SORCS3: variants seen among roughly 807,000 people sequenced by gnomAD.
SORCS3 encodes the protein sortilin related VPS10 domain containing receptor 3.
Under a neutral mutation model 146.3 loss-of-function variants are expected in SORCS3, and 57 were observed. That is an observed-to-expected ratio of 0.39 (90% confidence interval 0.31 to 0.49). The LOEUF (loss-of-function observed/expected upper bound fraction) is 0.49. Ranked by LOEUF, SORCS3 falls within the 20% of genes least tolerant of loss-of-function variation. The pLI, the probability that SORCS3 is intolerant of heterozygous loss-of-function variation, is 0.92. For synonymous variants in SORCS3, 653 were observed against 618.5 expected (o/e 1.06, Z -0.83); for missense variants, 1,341 against 1,575.5 (o/e 0.85, Z 2.52).
At chr10:105,053,367 G>C (rs929524317) in intron 5 of SORCS3, among the ~76,000 whole-genome samples, 2 of 151,968 alleles carry the variant, frequency 1.3e-5, no homozygotes, top group African/African-American at 4.8e-5. Flanking sequence ...GCTAAGGCTT[G>C]TCGGGGAAGT....
chr10:105,031,015 C>A (rs1017114615), intron 4 of SORCS3, among the ~76,000 whole-genome samples: 7 of 151,724 alleles, frequency 4.6e-5, no homozygotes, highest in Non-Finnish European at 1.0e-4. Context: ...GTATGTTTGG[C>A]CATGTGTAGT....
chr10:105,123,273 C>G (rs1269314715), intron 7 of SORCS3, among the ~76,000 whole-genome samples: 1 of 152,182 alleles, frequency 6.6e-6, no homozygotes, highest in Non-Finnish European at 1.5e-5. Flanking sequence ...CTGTATGACA[C>G]CAGAAGTTCT....
chr10:104,971,749 A>G (rs1216394052), intron 3 of SORCS3, among the ~76,000 whole-genome samples: 1 of 152,210 alleles, frequency 6.6e-6, no homozygotes, highest in Admixed American at 6.5e-5. Context: ...AAGAAAGTCA[A>G]AATGGAGGGT....
intron 6 of SORCS3, among the ~76,000 whole-genome samples, chr10:105,100,948 T>G (rs1410649524): frequency 6.6e-6 from 1 of 152,238 alleles, no homozygotes; most frequent in Admixed American, 6.5e-5. Context: ...TGAAAAGCCA[T>G]GCTGCTACTT....
At chr10:105,047,938 C>T (rs1282924360) in intron 5 of SORCS3, among the ~76,000 whole-genome samples, 4 of 152,194 alleles carry the variant, frequency 2.6e-5, no homozygotes, top group South Asian at 2.1e-4. Flanking sequence ...AAAAAATGCT[C>T]ATCATCACTG....
chr10:105,153,656 T>C (rs2056184172), intron 9 of SORCS3, among the ~76,000 whole-genome samples: 1 of 151,748 alleles, frequency 6.6e-6, no homozygotes, highest in African/African-American at 2.4e-5. Flanking sequence ...TGTGTGTGTG[T>C]GTGTGTGTGT....
At chr10:105,083,912 G>C (rs1183987678) in intron 5 of SORCS3, among the ~76,000 whole-genome samples, 1 of 152,256 alleles carries the variant, frequency 6.6e-6, no homozygotes, top group Non-Finnish European at 1.5e-5. Context: ...GAGATGGATG[G>C]GCACAAATCC....
intron 1 of SORCS3, among the ~76,000 whole-genome samples, chr10:104,659,593 A>C (rs2015675186): frequency 6.6e-6 from 1 of 152,138 alleles, no homozygotes; most frequent in Admixed American, 6.5e-5. Context: ...CCTGATCTTG[A>C]ATCTTAGCTC....
chr10:104,858,713 C>T (rs1463382768), intron 2 of SORCS3, among the ~76,000 whole-genome samples: 2 of 150,404 alleles, frequency 1.3e-5, no homozygotes, highest in Non-Finnish European at 3.0e-5. Flanking sequence ...GCTCTGCCTC[C>T]CGGGTTCAAG....
chr10:104,668,412 T>A (rs560231144), intron 1 of SORCS3, among the ~76,000 whole-genome samples: 1 of 152,180 alleles, frequency 6.6e-6, no homozygotes, highest in East Asian at 1.9e-4. Flanking sequence ...ACCACAGGGT[T>A]TGGAGTGAGA....
intron 3 of SORCS3, among the ~76,000 whole-genome samples, chr10:104,969,925 C>T (rs911170653): frequency 2.0e-5 from 3 of 151,944 alleles, no homozygotes; most frequent in African/African-American, 7.3e-5. Context: ...TCAATGGTAA[C>T]CCTTATTTAG....
At chr10:104,940,222 ATATATATATATATATATTTTTTTTT>A (rs1190908220) in intron 3 of SORCS3, among the ~76,000 whole-genome samples, 3 of 17,022 alleles carry the variant, frequency 1.8e-4, no homozygotes, top group African/African-American at 9.0e-4. Context: ...ATATATATAT[ATATATATATATATATATTTTTTTTT>A]TTTTTTTTAT....
intron 20 of SORCS3, among the ~76,000 whole-genome samples, chr10:105,238,066 A>T (rs931435035): frequency 6.6e-6 from 1 of 152,180 alleles, no homozygotes. Context: ...AGAAAGCACA[A>T]TGAGCACATA....
chr10:105,137,104 A>G (rs2056064038), intron 7 of SORCS3, among the ~76,000 whole-genome samples: 1 of 152,052 alleles, frequency 6.6e-6, no homozygotes, highest in Non-Finnish European at 1.5e-5. Context: ...TGGACTTCTG[A>G]TAGGAGGTGG....
At chr10:104,903,413 G>A (rs186824049) in intron 2 of SORCS3, among the ~76,000 whole-genome samples, 1 of 152,126 alleles carries the variant, frequency 6.6e-6, no homozygotes, top group African/African-American at 2.4e-5. Flanking sequence ...AGGGCAAATT[G>A]TGCTGTAGAT....
chr10:104,940,939 A>T (rs764545744), intron 3 of SORCS3, among the ~76,000 whole-genome samples: 30 of 152,304 alleles, frequency 2.0e-4, no homozygotes, highest in Non-Finnish European at 3.5e-4. Context: ...AGTCAGTCCT[A>T]AGCCAAAAGA....
intron 9 of SORCS3, among the ~76,000 whole-genome samples, chr10:105,156,099 G>A (rs2056206517): frequency 1.3e-5 from 2 of 152,162 alleles, no homozygotes; most frequent in Non-Finnish European, 2.9e-5. Context: ...CATGATACTG[G>A]AAGAATGGGG....
At chr10:104,858,212 T>C (rs2018356132) in intron 2 of SORCS3, among the ~76,000 whole-genome samples, 1 of 152,200 alleles carries the variant, frequency 6.6e-6, no homozygotes, top group African/African-American at 2.4e-5. Context: ...ATACCAATCA[T>C]CTAAATTCCA....
At chr10:104,767,875 A>G (rs973395139) in intron 1 of SORCS3, among the ~76,000 whole-genome samples, 2 of 139,230 alleles carry the variant, frequency 1.4e-5, no homozygotes, top group East Asian at 4.2e-4. Flanking sequence ...TTATGAGTCT[A>G]TTAGAGCTTG....
Sources: allele counts gnomAD v4.1 joint callset (sites outside exome capture counted in the v4.1 genomes callset), GRCh38; gene constraint gnomAD v4.1.1; transcripts MANE v1.5; gene names NCBI Gene and HGNC (gene_info 2026-07-23, HGNC 2026-07-21).